The following DGKB variants were observed in gnomAD, a reference collection of about 807,000 sequenced individuals.
DGKB encodes the protein 90 kDa diacylglycerol kinase.
In DGKB, 67 loss-of-function variants were observed where a neutral mutation model predicts 114.3. The ratio of observed to expected loss-of-function variants is 0.59; its 90% CI spans 0.48 to 0.72. DGKB has a LOEUF of 0.72. Ranked by LOEUF, DGKB falls within the 30% of genes least tolerant of loss-of-function variation. The pLI is 0.00. For synonymous variants in DGKB, 398 were observed against 323.1 expected (o/e 1.23, Z -2.49); for missense variants, 907 against 975.2 (o/e 0.93, Z 0.93).
At chr7:14,674,311 G>A (rs931578408) in intron 12 of DGKB, among the ~76,000 whole-genome samples, 1 of 152,102 alleles carries the variant, frequency 6.6e-6, no homozygotes, top group African/African-American at 2.4e-5. Flanking sequence ...TTTGTCAAGA[G>A]GCAAGAAGTG....
chr7:14,750,448 G>A (rs973838230), intron 4 of DGKB, among the ~76,000 whole-genome samples: 1 of 152,102 alleles, frequency 6.6e-6, no homozygotes, highest in African/African-American at 2.4e-5. Flanking sequence ...GATGTTCAAA[G>A]TACAACCTAT....
At chr7:14,364,307 C>T (rs913247360) in intron 21 of DGKB, among the ~76,000 whole-genome samples, 2 of 151,722 alleles carry the variant, frequency 1.3e-5, no homozygotes. Flanking sequence ...AAAATTATTG[C>T]CCAGAAGTGC....
At chr7:14,658,298 G>C (rs1816276315) in intron 13 of DGKB, among the ~76,000 whole-genome samples, 1 of 151,862 alleles carries the variant, frequency 6.6e-6, no homozygotes, top group African/African-American at 2.4e-5. Flanking sequence ...CAATATGATA[G>C]GTGAAATAAG....
At chr7:14,660,787 T>C (rs1188556695) in intron 13 of DGKB, among the ~76,000 whole-genome samples, 1 of 151,966 alleles carries the variant, frequency 6.6e-6, no homozygotes, top group Non-Finnish European at 1.5e-5. Context: ...GGCATCACAC[T>C]ACCTGACTTC....
intron 13 of DGKB, among the ~76,000 whole-genome samples, chr7:14,651,045 CA>C (rs1177892261): frequency 6.6e-6 from 1 of 152,176 alleles, no homozygotes; most frequent in Admixed American, 6.5e-5. Flanking sequence ...CAGATGGATT[CA>C]CAGCCGAATT....
chr7:14,257,370 C>T (rs957538434), intron 23 of DGKB, among the ~76,000 whole-genome samples: 4 of 152,004 alleles, frequency 2.6e-5, no homozygotes, highest in Non-Finnish European at 5.9e-5. Flanking sequence ...CAAAAGAATG[C>T]CATTCTTTAT....
At chr7:14,209,805 T>TG (rs377312250) in intron 23 of DGKB, among the ~76,000 whole-genome samples, 9 of 151,936 alleles carry the variant, frequency 5.9e-5, no homozygotes, top group African/African-American at 1.4e-4. Context: ...TGGATTTGCA[T>TG]GGGGGGGCTC....
chr7:14,218,097 G>C (rs565499718), intron 23 of DGKB, among the ~76,000 whole-genome samples: 1 of 152,172 alleles, frequency 6.6e-6, no homozygotes, highest in African/African-American at 2.4e-5. Flanking sequence ...ACATGTCCCA[G>C]ATGAAACTTC....
At chr7:14,583,020 C>A in intron 18 of DGKB, 32 bp downstream of exon 18, 1 of 1,392,688 alleles carries the variant, frequency 7.2e-7, no homozygotes, top group Non-Finnish European at 1.0e-6. Context: ...ATTGCTCTCT[C>A]CCCAGCCATA....
At chr7:14,368,623 A>T (rs1817107192) in intron 21 of DGKB, among the ~76,000 whole-genome samples, 1 of 151,926 alleles carries the variant, frequency 6.6e-6, no homozygotes, top group African/African-American at 2.4e-5. Flanking sequence ...GTATGTAAAT[A>T]CACAAACAGA....
Position 14,736,205 on chromosome 7 carries a change from A to G in DGKB, c.169-11T>C, listed in dbSNP as rs1256836566. 1.3e-6 allele frequency: 2 copies of G among 1,511,530 alleles called. No homozygotes were observed. The highest frequency in any genetic ancestry group is 4.6e-5 in the East Asian group (2 of 43,762). 93.6% of individuals were successfully genotyped at this position (1,511,530 alleles called of 1,614,324 possible). A position where few individuals can be genotyped will look rare whatever the true frequency, so the allele number is the denominator to read the frequency against. On this transcript the variant is annotated splice_polypyrimidine_tract_variant and intron_variant, in intron 4 of 25. Coordinates refer to ENST00000402815, the MANE Select transcript of DGKB (RefSeq NM_001350709.2). Reference sequence around the variant, plus strand: ...TTCAAAATCTATTGTCTGGAAAAAAAAAATGTAAACATGTATTTTAAGATC... The same window carrying G: ...TTCAAAATCTATTGTCTGGAAAAAAGAAATGTAAACATGTATTTTAAGATC...
At chr7:14,909,586 T>G (rs999624010) in intron 1 of DGKB, among the ~76,000 whole-genome samples, 1 of 152,160 alleles carries the variant, frequency 6.6e-6, no homozygotes, top group Admixed American at 6.5e-5. Flanking sequence ...TTGGCTAGTA[T>G]AAAAATTTAA....
At chr7:14,824,554 T>A (rs1275810321) in intron 2 of DGKB, among the ~76,000 whole-genome samples, 1 of 152,072 alleles carries the variant, frequency 6.6e-6, no homozygotes, top group Non-Finnish European at 1.5e-5. Flanking sequence ...CTACATTATA[T>A]AATATAGTTG....
At chr7:14,769,033 C>G (rs933372392) in intron 2 of DGKB, among the ~76,000 whole-genome samples, 3 of 143,458 alleles carry the variant, frequency 2.1e-5, no homozygotes, top group African/African-American at 7.7e-5. Flanking sequence ...CTGGTAAAAA[C>G]AAAGCTACCC....
intron 13 of DGKB, among the ~76,000 whole-genome samples, chr7:14,651,305 CA>C (rs1814436441): frequency 6.6e-6 from 1 of 152,122 alleles, no homozygotes; most frequent in Admixed American, 6.5e-5. Flanking sequence ...CCACCATGAT[CA>C]AGTGGGCTTC....
At chr7:14,965,650 C>G (rs1408186533) in intron 1 of DGKB, among the ~76,000 whole-genome samples, 3 of 152,048 alleles carry the variant, frequency 2.0e-5, no homozygotes, top group African/African-American at 7.2e-5. Flanking sequence ...TTTGGTTTAA[C>G]ACACAGAAAT....
intron 23 of DGKB, among the ~76,000 whole-genome samples, chr7:14,289,559 T>C (rs1801408007): frequency 6.6e-6 from 1 of 152,154 alleles, no homozygotes; most frequent in Non-Finnish European, 1.5e-5. Context: ...TACATATTTT[T>C]GTCATCAGTG....
intron 5 of DGKB, among the ~76,000 whole-genome samples, chr7:14,724,858 C>T (rs748196885): frequency 6.6e-6 from 1 of 152,160 alleles, no homozygotes; most frequent in Non-Finnish European, 1.5e-5. Flanking sequence ...GATCTGTCTA[C>T]ACCAGTGTTA....
intron 13 of DGKB, among the ~76,000 whole-genome samples, chr7:14,664,880 G>A (rs1817755421): frequency 6.6e-6 from 1 of 151,464 alleles, no homozygotes; most frequent in African/African-American, 2.4e-5. Context: ...AAATTAAGGG[G>A]AAGAAAAAGG....
Sources: gnomAD v4.1 joint callset for allele counts (sites outside exome capture counted in the v4.1 genomes callset) on GRCh38, gnomAD v4.1.1 for gene constraint, MANE v1.5 for transcripts, NCBI Gene and HGNC (gene_info 2026-07-23, HGNC 2026-07-21) for gene names.